Variants in PCMT1 observed in about 807,000 individuals in gnomAD.
PCMT1 encodes protein-L-isoaspartate(D-aspartate) O-methyltransferase.
Under a neutral mutation model 29.2 loss-of-function variants are expected in PCMT1, and 9 were observed. That is an observed-to-expected ratio of 0.31 (90% CI 0.19 to 0.54). The LOEUF (loss-of-function observed/expected upper bound fraction) is 0.54. Among genes scored for constraint, PCMT1 ranks in the 20% least tolerant of loss-of-function variants. PCMT1 has a pLI of 0.95. For missense variants in PCMT1, 184 were observed against 282.2 expected (o/e 0.65, Z 2.49); for synonymous variants, 98 against 97.5 (o/e 1.00, Z -0.03).
At chr6:149,783,542 A>G (rs1286026248) in intron 3 of PCMT1, among the ~76,000 whole-genome samples, 9 of 152,096 alleles carry the variant, frequency 5.9e-5, no homozygotes, top group Non-Finnish European at 1.2e-4. Flanking sequence ...TGGTGGTCCA[A>G]TATTATATAC....
chr6:149,808,496 A>G (rs1043877595), intron 7 of PCMT1, among the ~76,000 whole-genome samples: 2 of 152,110 alleles, frequency 1.3e-5, no homozygotes, highest in African/African-American at 4.8e-5. Context: ...AGGTCTATAA[A>G]CCTAATTTCT....
intron 3 of PCMT1, among the ~76,000 whole-genome samples, chr6:149,777,880 T>C (rs1345614696): frequency 6.4e-4 from 94 of 147,370 alleles, no homozygotes; most frequent in Non-Finnish European, 1.1e-3. Context: ...TTTCTTCTTT[T>C]TTTTTTTTTT....
chr6:149,757,335 A>C (rs1378389377), intron 1 of PCMT1, among the ~76,000 whole-genome samples: 1 of 152,136 alleles, frequency 6.6e-6, no homozygotes, highest in African/African-American at 2.4e-5. Flanking sequence ...TGGCTGTATT[A>C]CATTCTGGTT....
At position 149,756,512 on chromosome 6, in the gene PCMT1, C is replaced by CTTTTT. The variant is rs61038108; in HGVS notation, c.55+6584_55+6588dup. On this transcript the variant is annotated intron_variant, in intron 1 of 7. Coordinates refer to ENST00000464889, the MANE Select transcript of PCMT1 (RefSeq NM_001360452.2). Reference sequence around the variant, plus strand: ...TACAGATGCACACCACCATGACTGGCTTTTTTTTTTTTTTTTTTTTTTTTT... The same window carrying CTTTTT: ...TACAGATGCACACCACCATGACTGGCTTTTTTTTTTTTTTTTTTTTTTTTTTTTTT... Among the ~76,000 whole-genome samples, 106 of 74,682 alleles carry CTTTTT rather than the reference C, an allele frequency of 1.4e-3. 5 individuals are homozygous for CTTTTT. Among genetic ancestry groups the CTTTTT allele is most frequent in the Middle Eastern group, 8.5e-3 (1 of 118 alleles). The allele number at this position is 74,682 out of a possible 152,430, so 49.0% of individuals were successfully genotyped here.
chr6:149,764,646 A>G (rs540066330), intron 1 of PCMT1, among the ~76,000 whole-genome samples: 10 of 152,318 alleles, frequency 6.6e-5, no homozygotes, highest in African/African-American at 2.4e-4. Context: ...TGGCTAAGGC[A>G]GGAAGAGCAC....
intron 3 of PCMT1, among the ~76,000 whole-genome samples, chr6:149,783,933 T>C (rs1247542150): frequency 1.3e-5 from 2 of 152,216 alleles, no homozygotes; most frequent in African/African-American, 4.8e-5. Flanking sequence ...GGTCTCAAGT[T>C]ATCCTTCCAC....
chr6:149,786,166 A>ACCC (rs1393022428), intron 3 of PCMT1, among the ~76,000 whole-genome samples: 8 of 52,216 alleles, frequency 1.5e-4, no homozygotes, highest in African/African-American at 1.5e-3. Flanking sequence ...CGGGGGGCTG[A>ACCC]CCCCCCAACC....
At chr6:149,751,208 T>C (rs924030853) in intron 1 of PCMT1, among the ~76,000 whole-genome samples, 24 of 152,054 alleles carry the variant, frequency 1.6e-4, no homozygotes, top group Non-Finnish European at 3.5e-4. Context: ...TCCCAGCTAC[T>C]TGTGAGGCTG....
chr6:149,779,228 A>G (rs1787710107), intron 3 of PCMT1, among the ~76,000 whole-genome samples: 2 of 135,442 alleles, frequency 1.5e-5, no homozygotes, highest in East Asian at 2.5e-4. Flanking sequence ...CTACAAAAGC[A>G]TGTATTCCCA....
Position 149,767,991 on chromosome 6 carries a change from G to A in PCMT1, c.56-3171G>A, listed in dbSNP as rs563705548. Among the ~76,000 whole-genome samples, 9 of 124,478 alleles carry A rather than the reference G, an allele frequency of 7.2e-5. No individual in the cohort carries two copies. In the South Asian group the frequency reaches 1.8e-3, roughly 25 times the overall value. The allele number at this position is 124,478 out of a possible 152,430, so 81.7% of individuals were successfully genotyped here. A position where few individuals can be genotyped will look rare whatever the true frequency, so the allele number is the denominator to read the frequency against. ...GTATTTTTAGTAGAGATAGGGTTTC[G>A]CCATGTTGGCCAGGCTGGTCTTAAA... On this transcript the variant is annotated intron_variant, in intron 1 of 7. Transcript: ENST00000464889.
At chr6:149,775,296 A>T (rs1787515649) in intron 3 of PCMT1, among the ~76,000 whole-genome samples, 1 of 152,202 alleles carries the variant, frequency 6.6e-6, no homozygotes, top group Non-Finnish European at 1.5e-5. Context: ...TTGAATAGTA[A>T]TGTCTTCTTG....
intron 1 of PCMT1, among the ~76,000 whole-genome samples, chr6:149,768,093 C>T (rs2115243018): frequency 1.3e-5 from 2 of 150,570 alleles, no homozygotes; most frequent in South Asian, 2.1e-4. Context: ...CATGCCCGAC[C>T]TGTTTGTTTG....
Position 149,798,374 on chromosome 6 carries a change from C to T in PCMT1, c.504+1874C>T, listed in dbSNP as rs986424855. Among the ~76,000 whole-genome samples, 53 of 152,098 alleles carry T rather than the reference C, an allele frequency of 3.5e-4. 1 individual carries two copies. The highest frequency in any genetic ancestry group is 3.4e-3 in the Middle Eastern group (1 of 294). ...GAAATAGAACTGTGCTTAAATGAGG[C>T]GGGTGGGTGCAGGGCCCATTTCTCC... On this transcript the variant is annotated intron_variant, in intron 6 of 7. Coordinates refer to ENST00000464889, the MANE Select transcript of PCMT1 (RefSeq NM_001360452.2).
intron 7 of PCMT1, among the ~76,000 whole-genome samples, chr6:149,806,021 G>A (rs1776004594): frequency 6.6e-6 from 1 of 151,490 alleles, no homozygotes; most frequent in Non-Finnish European, 1.5e-5. Context: ...GTACCAGGAG[G>A]ACTTTCTAAT....
intron 4 of PCMT1, among the ~76,000 whole-genome samples, chr6:149,790,924 T>A (rs1484794885): frequency 6.6e-6 from 1 of 152,084 alleles, no homozygotes; most frequent in Non-Finnish European, 1.5e-5. Flanking sequence ...GGAAAATCCC[T>A]TGAGCCCAGG....
chr6:149,765,504 G>A (rs1007344554), intron 1 of PCMT1, among the ~76,000 whole-genome samples: 22 of 151,568 alleles, frequency 1.5e-4, no homozygotes, highest in Admixed American at 3.3e-4. Flanking sequence ...AAAATGGAAA[G>A]ACCATATAAG....
At chr6:149,798,506 G>A (rs1377926594) in intron 6 of PCMT1, among the ~76,000 whole-genome samples, 1 of 152,178 alleles carries the variant, frequency 6.6e-6, no homozygotes, top group Non-Finnish European at 1.5e-5. Flanking sequence ...GTATACATCT[G>A]ATTTAAGATA....
intron 3 of PCMT1, among the ~76,000 whole-genome samples, chr6:149,788,336 CA>C (rs1446324382): frequency 6.6e-6 from 1 of 152,134 alleles, no homozygotes; most frequent in Non-Finnish European, 1.5e-5. Flanking sequence ...CAGATTTCAT[CA>C]ATTATTCTGA....
chr6:149,781,830 A>C (rs1787830992), intron 3 of PCMT1, among the ~76,000 whole-genome samples: 1 of 152,222 alleles, frequency 6.6e-6, no homozygotes, highest in Admixed American at 6.5e-5. Context: ...TTATGCAATC[A>C]GTCTTCAGAA....
Sources: gnomAD v4.1 joint callset for allele counts (sites outside exome capture counted in the v4.1 genomes callset) on GRCh38, gnomAD v4.1.1 for gene constraint, MANE v1.5 for transcripts, NCBI Gene and HGNC (gene_info 2026-07-23, HGNC 2026-07-21) for gene names.